The following RCC2 variants were observed in gnomAD, a reference collection of about 807,000 sequenced individuals.
RCC2 encodes regulator of chromosome condensation 2, also known as protein RCC2.
A neutral mutation model predicts 64.1 loss-of-function variants in RCC2; 19 were observed. The ratio of observed to expected loss-of-function variants is 0.30; its 90% CI spans 0.21 to 0.44. The LOEUF (loss-of-function observed/expected upper bound fraction) is 0.44, where lower values mean the gene tolerates loss of function less well. Ranked by LOEUF, RCC2 falls within the 20% of genes least tolerant of loss-of-function variation. The pLI is 1.00. For synonymous variants in RCC2, 325 were observed against 279.6 expected (o/e 1.16, Z -1.62); for missense variants, 508 against 710.4 (o/e 0.72, Z 3.24).
intron 1 of RCC2, 153 bp from the exon 2 acceptor site, chr1:17,438,675 G>A: frequency 1.4e-6 from 1 of 721,418 alleles, no homozygotes. Flanking sequence ...CGAGTTGGGA[G>A]AGGAAATCGC....
rs1481313327 is a variant in RCC2 at position 17,408,829 on chromosome 1, CTT to C, written c.*259_*260del. The C allele has an allele frequency of 9.8e-6, 4 of 408,720 alleles. No individual in the cohort carries two copies. Among genetic ancestry groups the C allele is most frequent in the African/African-American group, 8.2e-5 (4 of 48,918 alleles). 25.3% of individuals were successfully genotyped at this position (408,720 alleles called of 1,614,324 possible). A position where few individuals can be genotyped will look rare whatever the true frequency, so the allele number is the denominator to read the frequency against. ...CCTAGATTGCTCAAAGTTTCTGCCT[CTT>C]TTGTAGGAATGGTAAATCAACTATG... On this transcript the variant is annotated 3_prime_UTR_variant, in exon 13 of 13. Transcript: ENST00000375436.
At chr1:17,429,424 G>C (rs1366283856) in intron 2 of RCC2, among the ~76,000 whole-genome samples, 1 of 152,030 alleles carries the variant, frequency 6.6e-6, no homozygotes, top group Non-Finnish European at 1.5e-5. Flanking sequence ...CTAAGCCCAG[G>C]CTCATTTTTA....
chr1:17,418,992 C>T (rs779205028), intron 7 of RCC2, among the ~76,000 whole-genome samples: 1 of 152,152 alleles, frequency 6.6e-6, no homozygotes, highest in Non-Finnish European at 1.5e-5. Context: ...AGGACAGAAG[C>T]TACTCCAGAA....
At position 17,425,562 on chromosome 1, in the gene RCC2, C is replaced by G. The variant is rs1361135022; in HGVS notation, c.502G>C (p.Glu168Gln). ...CAAHSLLITTEGKLWSWGRNE... is the reference protein window; with the variant it reads ...CAAHSLLITTQGKLWSWGRNE... ...TCACCCCAGCTCCACAGCTTCCCTT[C>G]CGTGGTGATGAGGAGGCTGTGTGCA... The change falls in exon 4 of 13, where the codon GAA becomes CAA. Residue 168 changes from glutamate to glutamine, a missense_variant. Coordinates refer to ENST00000375436, the MANE Select transcript of RCC2 (RefSeq NM_018715.4). The G allele has an allele frequency of 6.2e-7, 1 of 1,613,148 alleles. No individual in the cohort carries two copies. Among genetic ancestry groups the G allele is most frequent in the Admixed American group, 1.7e-5 (1 of 59,930 alleles).
intron 7 of RCC2, among the ~76,000 whole-genome samples, chr1:17,419,664 G>C (rs976219158): frequency 6.6e-6 from 1 of 152,218 alleles, no homozygotes; most frequent in African/African-American, 2.4e-5. Context: ...CTCCATGAAA[G>C]TGAGCCGTTT....
rs2075450608 is a variant in RCC2, at chr1:17,413,640, C to T, written c.1104G>A (p.Lys368=). The change falls in exon 9 of 13, where the codon AAG becomes AAA. Residue 368 remains lysine (K), a synonymous_variant. Transcript: ENST00000375436. ...GYGRLGHAEQ[K]DEMVPRLVKL... ...TCACCAGGCGGGGGACCATCTCATC[C>T]TTCTGCTCTGCGTGGCCCAGCCGGC... is the stretch of plus-strand genomic sequence containing the variant. The T allele has an allele frequency of 7.4e-6, 12 of 1,614,122 alleles. No individual in the cohort carries two copies. Among genetic ancestry groups the T allele is most frequent in the Admixed American group, 1.7e-5 (1 of 60,010 alleles).
intron 8 of RCC2, among the ~76,000 whole-genome samples, chr1:17,415,045 C>G (rs1339758743): frequency 6.6e-6 from 1 of 152,236 alleles, no homozygotes; most frequent in African/African-American, 2.4e-5. Flanking sequence ...GTTTTCCCAT[C>G]TTCTGACATG....
At chr1:17,415,050 G>T (rs1209914157) in intron 8 of RCC2, among the ~76,000 whole-genome samples, 1 of 152,240 alleles carries the variant, frequency 6.6e-6, no homozygotes, top group Non-Finnish European at 1.5e-5. Context: ...CCCATCTTCT[G>T]ACATGCCAAT....
At chr1:17,430,951 C>G (rs956971050) in intron 2 of RCC2, among the ~76,000 whole-genome samples, 3 of 151,912 alleles carry the variant, frequency 2.0e-5, no homozygotes, top group Non-Finnish European at 2.9e-5. Context: ...TTCCTGACCG[C>G]AGGTGATCCA....
intron 11 of RCC2, among the ~76,000 whole-genome samples, chr1:17,410,492 A>G (rs2075412539): frequency 6.6e-6 from 1 of 151,914 alleles, no homozygotes; most frequent in African/African-American, 2.4e-5. Flanking sequence ...AAAACAAAAT[A>G]AAAGGGCTTA....
At chr1:17,436,799 CCTTT>C (rs2075739827) in intron 2 of RCC2, among the ~76,000 whole-genome samples, 1 of 152,328 alleles carries the variant, frequency 6.6e-6, no homozygotes, top group African/African-American at 2.4e-5. Flanking sequence ...GCTCACCTGG[CCTTT>C]CTTTTTAGTT....
At chr1:17,413,206 C>G in intron 9 of RCC2, 28 bp from the exon 10 acceptor site, 1 of 1,486,652 alleles carries the variant, frequency 6.7e-7, no homozygotes, top group Non-Finnish European at 9.4e-7. Context: ...ATGTTCCCAG[C>G]GTGACCAGAC....
intron 8 of RCC2, among the ~76,000 whole-genome samples, chr1:17,416,137 G>C (rs554119777): frequency 1.6e-4 from 24 of 152,018 alleles, no homozygotes; most frequent in African/African-American, 5.8e-4. Flanking sequence ...CCCCAGTATG[G>C]GGCACCATCT....
intron 2 of RCC2, among the ~76,000 whole-genome samples, chr1:17,436,246 A>T (rs2075734253): frequency 6.6e-6 from 1 of 152,354 alleles, no homozygotes; most frequent in East Asian, 1.9e-4. Context: ...CGCGCCTGTC[A>T]TCCCAGCACT....
At chr1:17,436,733 T>C (rs2075739241) in intron 2 of RCC2, among the ~76,000 whole-genome samples, 2 of 152,216 alleles carry the variant, frequency 1.3e-5, no homozygotes, top group African/African-American at 4.8e-5. Flanking sequence ...CTTGGATGTC[T>C]AAACACAATC....
At chr1:17,435,307 G>A (rs751342911) in intron 2 of RCC2, among the ~76,000 whole-genome samples, 9 of 152,212 alleles carry the variant, frequency 5.9e-5, no homozygotes, top group Non-Finnish European at 1.2e-4. Flanking sequence ...CTACAAGCCC[G>A]ACACCTGCAG....
At position 17,413,732 on chromosome 1, in the gene RCC2, AAC is replaced by A. The variant is rs756992743; in HGVS notation, c.1027-17_1027-16del. The A allele has an allele frequency of 1.7e-5, 27 of 1,604,484 alleles. No individual in the cohort carries two copies. The African/African-American group carries it at 2.4e-4, about 14-fold the overall frequency. On this transcript the variant is annotated splice_polypyrimidine_tract_variant and intron_variant, in intron 8 of 12. Transcript: ENST00000375436. ...TCCAGGACCAGCTGCAAGGAAAGAA[AAC>A]ACAGGGTTGGAACAAACAGACTTCC... is the stretch of plus-strand genomic sequence containing the variant.
At chr1:17,414,373 C>A (rs2075457966) in intron 8 of RCC2, among the ~76,000 whole-genome samples, 1 of 151,604 alleles carries the variant, frequency 6.6e-6, no homozygotes, top group Admixed American at 6.6e-5. Context: ...TACTAAAATA[C>A]AAAAAAATTA....
intron 6 of RCC2, 75 bp downstream of exon 6, chr1:17,422,128 A>AC (rs2100372058): frequency 1.9e-6 from 2 of 1,049,776 alleles, no homozygotes; most frequent in African/African-American, 1.6e-5. Flanking sequence ...TCAAACGGAG[A>AC]CCCCACCTTA....
Sources: gnomAD v4.1 joint callset for allele counts (sites outside exome capture counted in the v4.1 genomes callset) on GRCh38, gnomAD v4.1.1 for gene constraint, MANE v1.5 for transcripts, NCBI Gene and HGNC (gene_info 2026-07-23, HGNC 2026-07-21) for gene names.